The following CEP128 variants were observed in gnomAD, a reference collection of about 807,000 sequenced individuals.
The protein encoded by CEP128 is centrosomal protein 128kDa.
CEP128 carries 132 observed loss-of-function variants against 156.7 expected under a neutral mutation model. The observed-to-expected ratio is 0.84, with a 90% CI of 0.73 to 0.97. The LOEUF (loss-of-function observed/expected upper bound fraction) is 0.97, where lower values mean the gene tolerates loss of function less well. CEP128 is among the 50% of genes least tolerant of loss of function. CEP128 has a pLI of 0.00. For missense variants in CEP128, 1,252 were observed against 1,281.9 expected (o/e 0.98, Z 0.36); for synonymous variants, 469 against 448.9 (o/e 1.04, Z -0.57).
Position 80,596,198 on chromosome 14 carries a change from T to C in CEP128, c.2807-15775A>G, listed in dbSNP as rs140133904. On this transcript the variant is annotated intron_variant, in intron 19 of 24. Coordinates refer to ENST00000555265, the MANE Select transcript of CEP128 (RefSeq NM_152446.5). Reference sequence around the variant, plus strand: ...AATTAAAAGACGGAGATCGTTAGAGTGAATTAAAGAACATGGCCCGATGTT... The same window carrying C: ...AATTAAAAGACGGAGATCGTTAGAGCGAATTAAAGAACATGGCCCGATGTT... Among the ~76,000 whole-genome samples, 566 of 151,654 alleles carry C rather than the reference T, an allele frequency of 3.7e-3. 2 individuals carry two copies. Among genetic ancestry groups the C allele is most frequent in the Non-Finnish European group, 5.5e-3 (374 of 67,908 alleles).
At chr14:80,836,426 A>G in intron 11 of CEP128, 89 bp from the exon 12 acceptor site, 1 of 1,414,002 alleles carries the variant, frequency 7.1e-7, no homozygotes, top group African/African-American at 1.4e-5. Flanking sequence ...AGTTGAATCC[A>G]GGTTAATCTC....
intron 20 of CEP128, 106 bp downstream of exon 20, chr14:80,580,268 G>A: frequency 1.5e-6 from 1 of 677,164 alleles, no homozygotes; most frequent in Non-Finnish European, 2.6e-6. Flanking sequence ...CATTGTCCTT[G>A]TCACCCTATT....
intron 9 of CEP128, among the ~76,000 whole-genome samples, chr14:80,857,756 C>CAAAA: frequency 8.1e-6 from 1 of 123,392 alleles, no homozygotes; most frequent in Admixed American, 8.1e-5. Context: ...ACAACAACAA[C>CAAAA]AACAACAACA....
chr14:80,822,263 C>T (rs554849184), intron 13 of CEP128, among the ~76,000 whole-genome samples: 6 of 152,200 alleles, frequency 3.9e-5, no homozygotes, highest in African/African-American at 1.4e-4. Flanking sequence ...CCCATAAGCC[C>T]GTAAAAGCAA....
chr14:80,692,179 A>T (rs1896741501), intron 19 of CEP128, among the ~76,000 whole-genome samples: 1 of 152,220 alleles, frequency 6.6e-6, no homozygotes, highest in Non-Finnish European at 1.5e-5. Flanking sequence ...GGATCAGCAT[A>T]TTGTTAAACT....
At chr14:80,600,689 C>A (rs1191346526) in intron 19 of CEP128, among the ~76,000 whole-genome samples, 3 of 152,046 alleles carry the variant, frequency 2.0e-5, no homozygotes, top group African/African-American at 4.8e-5. Flanking sequence ...TGTATTTTTT[C>A]TTTGCTTATT....
intron 19 of CEP128, among the ~76,000 whole-genome samples, chr14:80,704,941 C>A (rs1469777439): frequency 2.0e-5 from 3 of 152,022 alleles, no homozygotes; most frequent in African/African-American, 4.8e-5. Context: ...CATGACCAAT[C>A]TTTTTCACCT....
intron 2 of CEP128, among the ~76,000 whole-genome samples, chr14:80,951,327 G>A (rs906845730): frequency 2.0e-5 from 3 of 152,118 alleles, no homozygotes; most frequent in Non-Finnish European, 2.9e-5. Flanking sequence ...TAAAATGTAT[G>A]GCGATGGAAG....
chr14:80,947,821 G>A (rs940034747), intron 2 of CEP128, among the ~76,000 whole-genome samples: 5 of 152,148 alleles, frequency 3.3e-5, no homozygotes, highest in African/African-American at 7.2e-5. Flanking sequence ...CAGAGTGCCC[G>A]GCCTCCACTC....
intron 22 of CEP128, among the ~76,000 whole-genome samples, chr14:80,527,654 T>C (rs906683369): frequency 1.1e-4 from 17 of 152,178 alleles, no homozygotes; most frequent in Non-Finnish European, 1.9e-4. Flanking sequence ...GTACTATCAC[T>C]TGCATTGGTA....
intron 18 of CEP128, among the ~76,000 whole-genome samples, chr14:80,754,753 G>A (rs1159756609): frequency 2.0e-5 from 3 of 152,124 alleles, no homozygotes; most frequent in African/African-American, 4.8e-5. Context: ...GTGAGCCACT[G>A]TGCCCGGACG....
At chr14:80,930,732 G>GA (rs1227995703) in intron 2 of CEP128, among the ~76,000 whole-genome samples, 1 of 151,984 alleles carries the variant, frequency 6.6e-6, no homozygotes, top group Non-Finnish European at 1.5e-5. Context: ...TTTTTCAAAA[G>GA]AAAAAAACAT....
At chr14:80,846,562 T>C (rs971951082) in intron 9 of CEP128, among the ~76,000 whole-genome samples, 21 of 152,094 alleles carry the variant, frequency 1.4e-4, no homozygotes, top group Admixed American at 1.2e-3. Context: ...ACACACACTT[T>C]ACAAAAATAC....
chr14:80,732,948 A>G (rs1011456544), intron 19 of CEP128, among the ~76,000 whole-genome samples: 7 of 124,296 alleles, frequency 5.6e-5, no homozygotes, highest in Non-Finnish European at 6.9e-5. Context: ...TTTATATGTC[A>G]ACTTGACTGA....
upstream of CEP128, among the ~76,000 whole-genome samples, chr14:80,946,067 C>A (rs1886332417): frequency 6.6e-6 from 1 of 152,176 alleles, no homozygotes; most frequent in African/African-American, 2.4e-5. Context: ...TCATTTCTTC[C>A]TCTTCTAAAT....
At chr14:80,686,823 A>G (rs1416406995) in intron 19 of CEP128, among the ~76,000 whole-genome samples, 3 of 152,204 alleles carry the variant, frequency 2.0e-5, no homozygotes, top group East Asian at 1.9e-4. Flanking sequence ...TTAAACCAAC[A>G]AAGATTTAAA....
intron 8 of CEP128, among the ~76,000 whole-genome samples, chr14:80,880,038 A>G (rs1888458317): frequency 6.6e-6 from 1 of 152,234 alleles, no homozygotes; most frequent in Non-Finnish European, 1.5e-5. Context: ...AAGAGAAGAA[A>G]GCTATGACAA....
In CEP128 at chr14:80,895,793, A is replaced by G. The variant is rs774213075; in HGVS notation, c.573-3T>C. 5 of 1,464,558 alleles carry G rather than the reference A, an allele frequency of 3.4e-6. No homozygotes were observed. Among genetic ancestry groups the G allele is most frequent in the Non-Finnish European group, 4.5e-6 (5 of 1,117,608 alleles). The allele number at this position is 1,464,558 out of a possible 1,614,324, so 90.7% of individuals were successfully genotyped here. A position where few individuals can be genotyped will look rare whatever the true frequency, so the allele number is the denominator to read the frequency against. Reference sequence around the variant, plus strand: ...CCCTTTTTGTTTCGGCATCTGACCTAGGAAGAAAAAAAAAAAAAAGATTTA... The same window carrying G: ...CCCTTTTTGTTTCGGCATCTGACCTGGGAAGAAAAAAAAAAAAAAGATTTA... On this transcript the variant is annotated splice_polypyrimidine_tract_variant and splice_region_variant and intron_variant, in intron 7 of 24. Transcript: ENST00000555265.
At chr14:80,500,812 C>T (rs1887698814) in intron 24 of CEP128, among the ~76,000 whole-genome samples, 3 of 152,176 alleles carry the variant, frequency 2.0e-5, no homozygotes, top group Non-Finnish European at 4.4e-5. Context: ...AATATAGTTA[C>T]ATATGAGCTT....
Sources: gnomAD v4.1 joint callset for allele counts (sites outside exome capture counted in the v4.1 genomes callset) on GRCh38, gnomAD v4.1.1 for gene constraint, MANE v1.5 for transcripts, NCBI Gene and HGNC (gene_info 2026-07-23, HGNC 2026-07-21) for gene names.